LINC00305: variants seen among roughly 807,000 people sequenced by gnomAD.
LINC00305 encodes long independently transcribed non-coding RNA 305.
chr18:64,104,279 A>G (rs866707919), intron 1 of LINC00305: 7 of 152,346 alleles, frequency 4.6e-5, no homozygotes, highest in South Asian at 4.1e-4. Context: ...TCCTTGGATA[A>G]TAAGTGGGTT....
intron 3 of LINC00305, among the ~76,000 whole-genome samples, chr18:64,087,479 G>C (rs1462286027): frequency 6.6e-6 from 1 of 152,156 alleles, no homozygotes; most frequent in Non-Finnish European, 1.5e-5. Context: ...TTAATATTTA[G>C]TAAGTTGATA....
At chr18:64,131,134 A>T (rs1337156631) in intron 1 of LINC00305, among the ~76,000 whole-genome samples, 1 of 152,178 alleles carries the variant, frequency 6.6e-6, no homozygotes, top group Non-Finnish European at 1.5e-5. Flanking sequence ...AAAATGTGAG[A>T]TCTTACAGGT....
At chr18:64,147,063 A>C (rs972406408) in intron 1 of LINC00305, 3 of 152,228 alleles carry the variant, frequency 2.0e-5, no homozygotes, top group African/African-American at 7.2e-5. Flanking sequence ...GGAAAGCTGT[A>C]TATTTAGTGT....
chr18:64,084,166 A>G (rs1016653540), intron 3 of LINC00305, among the ~76,000 whole-genome samples: 1 of 152,200 alleles, frequency 6.6e-6, no homozygotes, highest in Non-Finnish European at 1.5e-5. Flanking sequence ...AAGAAAGGCA[A>G]TTTCTACATT....
chr18:64,097,732 T>C (rs2051250425), intron 3 of LINC00305: 1 of 372,956 alleles, frequency 2.7e-6, no homozygotes, highest in Non-Finnish European at 5.3e-6. Flanking sequence ...GAAGTAATAT[T>C]ATTTCAAGTC....
At chr18:64,142,842 C>T (rs570069295) in intron 1 of LINC00305, among the ~76,000 whole-genome samples, 5 of 152,092 alleles carry the variant, frequency 3.3e-5, no homozygotes, top group South Asian at 2.1e-4. Context: ...ATAAGTAAAA[C>T]GAGATGGATG....
At chr18:64,122,706 T>A (rs1051176310) in intron 1 of LINC00305, among the ~76,000 whole-genome samples, 1 of 152,138 alleles carries the variant, frequency 6.6e-6, no homozygotes, top group Non-Finnish European at 1.5e-5. Flanking sequence ...TGATTGTTTT[T>A]CTAATTCTGT....
At chr18:64,133,023 G>A (rs2051416889) in intron 1 of LINC00305, among the ~76,000 whole-genome samples, 1 of 152,186 alleles carries the variant, frequency 6.6e-6, no homozygotes, top group African/African-American at 2.4e-5. Flanking sequence ...CTTCAGACAC[G>A]ATATGGCAGA....
chr18:64,085,754 C>T (rs1460445943), intron 3 of LINC00305, among the ~76,000 whole-genome samples: 1 of 152,218 alleles, frequency 6.6e-6, no homozygotes, highest in Non-Finnish European at 1.5e-5. Context: ...AGCCACCACG[C>T]CCAGTTTTAT....
At chr18:64,128,215 G>A (rs1354235586) in intron 1 of LINC00305, among the ~76,000 whole-genome samples, 1 of 152,076 alleles carries the variant, frequency 6.6e-6, no homozygotes, top group Non-Finnish European at 1.5e-5. Context: ...GTGATTCTCT[G>A]GAAGAGTGAT....
At chr18:64,137,619 C>T (rs2051441123) in intron 1 of LINC00305, among the ~76,000 whole-genome samples, 1 of 152,068 alleles carries the variant, frequency 6.6e-6, no homozygotes, top group South Asian at 2.1e-4. Flanking sequence ...ATTAAAATTC[C>T]GAAGTTGGGG....
chr18:64,145,974 A>T (rs1193000117), intron 1 of LINC00305, among the ~76,000 whole-genome samples: 1 of 152,074 alleles, frequency 6.6e-6, no homozygotes, highest in Admixed American at 6.6e-5. Flanking sequence ...TGTTAGAAAA[A>T]TGTGGGGTAC....
intron 3 of LINC00305, among the ~76,000 whole-genome samples, chr18:64,092,502 C>A (rs1001205226): frequency 6.6e-6 from 1 of 151,908 alleles, no homozygotes; most frequent in Non-Finnish European, 1.5e-5. Context: ...GCAGAGGTTG[C>A]ACTGAGCCGA....
intron 1 of LINC00305, among the ~76,000 whole-genome samples, chr18:64,135,482 TG>T (rs2051428750): frequency 6.6e-6 from 1 of 152,206 alleles, no homozygotes. Context: ...GGGAGGAATT[TG>T]TTGGCACAAT....
At chr18:64,137,555 C>T (rs138574587) in intron 1 of LINC00305, among the ~76,000 whole-genome samples, 10 of 152,336 alleles carry the variant, frequency 6.6e-5, no homozygotes, top group East Asian at 3.9e-4. Context: ...CAGAGGCTCA[C>T]GACTTGTTTC....
At chr18:64,087,448 C>T (rs1185208953) in intron 3 of LINC00305, among the ~76,000 whole-genome samples, 2 of 152,056 alleles carry the variant, frequency 1.3e-5, no homozygotes, top group Non-Finnish European at 2.9e-5. Context: ...AGTAAGATTG[C>T]ATTTTTATTC....
chr18:64,131,594 A>G (rs958057354), intron 1 of LINC00305, among the ~76,000 whole-genome samples: 80 of 152,186 alleles, frequency 5.3e-4, no homozygotes, highest in African/African-American at 1.9e-3. Flanking sequence ...GTTCTTATAT[A>G]TAGCATCTGT....
intron 1 of LINC00305, among the ~76,000 whole-genome samples, chr18:64,106,852 G>T (rs2051292979): frequency 6.6e-6 from 1 of 152,134 alleles, no homozygotes; most frequent in Non-Finnish European, 1.5e-5. Context: ...TGGCTCAGGT[G>T]GCAAACTTGC....
chr18:64,132,365 T>C (rs2051413430), intron 1 of LINC00305, among the ~76,000 whole-genome samples: 2 of 152,228 alleles, frequency 1.3e-5, no homozygotes, highest in African/African-American at 4.8e-5. Context: ...TTTCTCTTGG[T>C]TCCTTATGTC....
Sources: gnomAD v4.1 joint callset for allele counts (sites outside exome capture counted in the v4.1 genomes callset) on GRCh38, gnomAD v4.1.1 for gene constraint, MANE v1.5 for transcripts, NCBI Gene and HGNC (gene_info 2026-07-23, HGNC 2026-07-21) for gene names.